The following NEK11 variants were observed in gnomAD, a reference collection of about 807,000 sequenced individuals.
The protein encoded by NEK11 is NIMA related kinase 11.
NEK11 carries 72 observed loss-of-function variants against 80.7 expected under a neutral mutation model. The observed-to-expected ratio is 0.89, with a 90% CI of 0.74 to 1.08. The LOEUF is 1.08. Ranked by LOEUF, NEK11 falls within the 50% of genes least tolerant of loss-of-function variation. NEK11 has a pLI of 0.00. For missense variants in NEK11, 764 were observed against 763.6 expected (o/e 1.00, Z -0.01); for synonymous variants, 251 against 260.7 (o/e 0.96, Z 0.36).
intron 10 of NEK11, among the ~76,000 whole-genome samples, chr3:131,157,428 A>G (rs1171901129): frequency 2.0e-5 from 3 of 152,214 alleles, no homozygotes; most frequent in Admixed American, 2.0e-4. Flanking sequence ...AAGTTTGTGT[A>G]TTCTTGAACA....
intron 14 of NEK11, among the ~76,000 whole-genome samples, chr3:131,206,192 C>T (rs751011960): frequency 3.3e-5 from 5 of 152,112 alleles, no homozygotes; most frequent in African/African-American, 4.8e-5. Flanking sequence ...TAGTCAGGCT[C>T]TCCAGATAGG....
At chr3:131,063,941 T>A (rs2071390286) in intron 3 of NEK11, among the ~76,000 whole-genome samples, 1 of 152,156 alleles carries the variant, frequency 6.6e-6, no homozygotes, top group Admixed American at 6.5e-5. Context: ...GTCCATCAAC[T>A]GATAAATGGA....
chr3:131,178,757 T>C (rs1351187851), intron 14 of NEK11, among the ~76,000 whole-genome samples: 2 of 152,232 alleles, frequency 1.3e-5, no homozygotes, highest in African/African-American at 2.4e-5. Flanking sequence ...AACATAATTA[T>C]GATTATATTG....
intron 10 of NEK11, among the ~76,000 whole-genome samples, chr3:131,157,316 G>A (rs993449294): frequency 1.3e-5 from 2 of 151,688 alleles, no homozygotes; most frequent in East Asian, 3.9e-4. Flanking sequence ...GAATTTTTTT[G>A]GTGCCCCCTT....
chr3:131,309,495 A>C (rs540545943), intron 17 of NEK11, among the ~76,000 whole-genome samples: 16 of 152,322 alleles, frequency 1.1e-4, no homozygotes, highest in Admixed American at 3.9e-4. Context: ...GCAGTAGCTC[A>C]GGAAGATGTT....
intron 5 of NEK11, among the ~76,000 whole-genome samples, chr3:131,112,946 GC>G (rs761070013): frequency 9.6e-4 from 146 of 152,114 alleles, no homozygotes; most frequent in Non-Finnish European, 1.6e-3. Flanking sequence ...ATATAATATT[GC>G]CAGAGCTTGC....
At chr3:131,085,515 T>TG in intron 4 of NEK11, among the ~76,000 whole-genome samples, 1 of 152,138 alleles carries the variant, frequency 6.6e-6, no homozygotes, top group Non-Finnish European at 1.5e-5. Context: ...TAAAGTGCTG[T>TG]GGGGGTAATA....
At chr3:131,212,667 T>C (rs533852263) in intron 14 of NEK11, among the ~76,000 whole-genome samples, 1 of 152,344 alleles carries the variant, frequency 6.6e-6, no homozygotes, top group South Asian at 2.1e-4. Context: ...AAGATGTTTC[T>C]TAGTACTAGA....
intron 16 of NEK11, among the ~76,000 whole-genome samples, chr3:131,247,841 T>G (rs1463078575): frequency 3.3e-4 from 12 of 36,418 alleles, no homozygotes; most frequent in Admixed American, 2.0e-3. Context: ...TTCCTAGGGT[T>G]TTTTTTTTTT....
intron 4 of NEK11, among the ~76,000 whole-genome samples, chr3:131,104,947 C>T (rs2078961194): frequency 6.6e-6 from 1 of 152,166 alleles, no homozygotes; most frequent in African/African-American, 2.4e-5. Context: ...GGCTCTGCAC[C>T]AATCCTGGGT....
intron 16 of NEK11, among the ~76,000 whole-genome samples, chr3:131,244,760 C>A (rs9874794): frequency 0.28 from 42,122 of 151,708 alleles, 7,298 homozygotes; most frequent in Middle Eastern, 0.45. Context: ...CGTCTCTAAC[C>A]AAATTTTTTA....
intron 17 of NEK11, among the ~76,000 whole-genome samples, chr3:131,334,716 C>A (rs1010225129): frequency 1.3e-5 from 2 of 151,558 alleles, no homozygotes; most frequent in African/African-American, 2.4e-5. Flanking sequence ...ATTGATAGAC[C>A]GCTAGCAAGA....
At chr3:131,325,119 A>C (rs1422109322) in intron 17 of NEK11, 1 of 152,218 alleles carries the variant, frequency 6.6e-6, no homozygotes, top group Non-Finnish European at 1.5e-5. Context: ...CAGCAGATTT[A>C]TTAATAAAAG....
intron 17 of NEK11, among the ~76,000 whole-genome samples, chr3:131,337,529 T>C (rs2097206397): frequency 6.6e-6 from 1 of 152,080 alleles, no homozygotes; most frequent in East Asian, 1.9e-4. Context: ...GACGAGTTAA[T>C]GGGTGCAGCA....
At chr3:131,136,059 GA>G (rs954395183) in intron 7 of NEK11, among the ~76,000 whole-genome samples, 25 of 146,130 alleles carry the variant, frequency 1.7e-4, no homozygotes, top group Admixed American at 4.1e-4. Context: ...TCTGACTCAA[GA>G]AAAAAAAAAC....
chr3:131,158,787 C>T (rs1428784525), intron 10 of NEK11, among the ~76,000 whole-genome samples: 1 of 152,242 alleles, frequency 6.6e-6, no homozygotes, highest in Non-Finnish European at 1.5e-5. Flanking sequence ...CACCCCTCCA[C>T]ACTGCCACTC....
At chr3:131,297,830 T>C (rs962551819) in intron 17 of NEK11, among the ~76,000 whole-genome samples, 1 of 152,228 alleles carries the variant, frequency 6.6e-6, no homozygotes, top group Non-Finnish European at 1.5e-5. Context: ...CATCTTGAAT[T>C]AATTTTTGTG....
At chr3:131,277,672 G>A (rs548851820) in intron 17 of NEK11, among the ~76,000 whole-genome samples, 6 of 152,286 alleles carry the variant, frequency 3.9e-5, no homozygotes, top group South Asian at 2.1e-4. Context: ...TAATATATGC[G>A]ATGTCAGGCA....
At chr3:131,304,982 A>G (rs1020345168) in intron 17 of NEK11, among the ~76,000 whole-genome samples, 6 of 151,786 alleles carry the variant, frequency 4.0e-5, no homozygotes, top group African/African-American at 1.5e-4. Context: ...GGTGGGGTGC[A>G]AGCAGGGGTG....
Sources: allele counts gnomAD v4.1 joint callset (sites outside exome capture counted in the v4.1 genomes callset), GRCh38; gene constraint gnomAD v4.1.1; transcripts MANE v1.5; gene names NCBI Gene and HGNC (gene_info 2026-07-23, HGNC 2026-07-21).